The following ACSL4 variants were observed in gnomAD, a reference collection of about 807,000 sequenced individuals.
The protein encoded by ACSL4 is long-chain-fatty-acid--CoA ligase 4.
Under a neutral mutation model 49.1 loss-of-function variants are expected in ACSL4, and 9 were observed. That is an observed-to-expected ratio of 0.18 (90% CI 0.11 to 0.32). The LOEUF (loss-of-function observed/expected upper bound fraction) is 0.32. Ranked by LOEUF, ACSL4 falls within the 10% of genes least tolerant of loss-of-function variation. The pLI, the probability that ACSL4 is intolerant of heterozygous loss-of-function variation, is 1.00. For synonymous variants in ACSL4, 191 were observed against 170.3 expected (o/e 1.12, Z -0.95); for missense variants, 333 against 493.7 (o/e 0.67, Z 3.08).
At chrX:109,647,047 G>A (rs1055577475) in intron 15 of ACSL4, among the ~76,000 whole-genome samples, 1 of 111,187 alleles carries the variant, frequency 9.0e-6, no homozygotes, top group Non-Finnish European at 1.9e-5. Context: ...CCTAAAAAGA[G>A]ACTTAGACTC....
intron 2 of ACSL4, among the ~76,000 whole-genome samples, chrX:109,691,656 C>T (rs1251138881): frequency 9.0e-6 from 1 of 111,538 alleles, no homozygotes; most frequent in South Asian, 3.7e-4. Flanking sequence ...TAGAGAATGC[C>T]AATACATTAA....
chrX:109,676,469 G>A (rs1421533843), intron 8 of ACSL4, among the ~76,000 whole-genome samples: 2 of 111,495 alleles, frequency 1.8e-5, no homozygotes, highest in African/African-American at 3.3e-5. Context: ...TGCCTGGTGG[G>A]GGGCGGTCTG....
intron 15 of ACSL4, among the ~76,000 whole-genome samples, chrX:109,652,413 G>A (rs1034034902): frequency 2.7e-5 from 3 of 111,188 alleles, no homozygotes; most frequent in African/African-American, 9.8e-5. Context: ...TGGGTCCTAG[G>A]ATTTTATTCT....
In ACSL4 at chrX:109,668,204, C is replaced by T. The variant is rs370509273; in HGVS notation, c.1212G>A (p.Pro404=). ...NVRMMLSGGA[P]LSPQTHRFMN... ...TGAATCGGTGTGTCTGAGGAGATAG[C>T]GGGGCCCCTCCAGACAGCATCATGC... The change falls in exon 11 of 16, where the codon CCG becomes CCA. Residue 404 remains proline (P), a synonymous_variant. Coordinates refer to ENST00000672401, the MANE Select transcript of ACSL4 (RefSeq NM_001318510.2). The T allele has an allele frequency of 5.3e-5, 64 of 1,208,113 alleles. No homozygotes were observed. The highest frequency in any genetic ancestry group is 4.6e-4 in the Middle Eastern group (2 of 4,362).
intron 15 of ACSL4, among the ~76,000 whole-genome samples, chrX:109,645,240 CA>C (rs1934617643): frequency 8.8e-6 from 1 of 113,062 alleles, no homozygotes; most frequent in African/African-American, 3.2e-5. Flanking sequence ...AACAAAAAGA[CA>C]GCAGTAACCT....
At chrX:109,647,446 A>G (rs1458242083) in intron 15 of ACSL4, among the ~76,000 whole-genome samples, 7 of 111,943 alleles carry the variant, frequency 6.3e-5, no homozygotes, top group African/African-American at 1.6e-4. Context: ...CGAAATGAAG[A>G]CAGAAATAAA....
At position 109,725,832 on chromosome X, in the gene ACSL4, C is replaced by T. The variant is rs760280064; in HGVS notation, c.-66+7307G>A. ...TATAGTCATCTTACCCACATTTAAG[C>T]GGACAGTATTTTTTTTTGCAACTTG... On this transcript the variant is annotated intron_variant, in intron 1 of 15. Transcript: ENST00000672401. 1.5e-4 allele frequency among the ~76,000 whole-genome samples: 17 copies of T among 111,457 alleles called. 3 individuals carry two copies. Among genetic ancestry groups the T allele is most frequent in the South Asian group, 1.5e-3 (4 of 2,663 alleles).
intron 2 of ACSL4, 128 bp from the exon 3 acceptor site, chrX:109,683,503 A>C (rs1172865967): frequency 1.7e-6 from 2 of 1,154,783 alleles, no homozygotes; most frequent in African/African-American, 3.6e-5. Flanking sequence ...AAGGCTTCTA[A>C]AATGGTGCTT....
chrX:109,716,939 T>C (rs1017119535), intron 1 of ACSL4, among the ~76,000 whole-genome samples: 1 of 112,563 alleles, frequency 8.9e-6, no homozygotes, highest in Non-Finnish European at 1.9e-5. Flanking sequence ...TGCAATGTAA[T>C]GTACCTTTAA....
intron 8 of ACSL4, among the ~76,000 whole-genome samples, chrX:109,677,502 G>A (rs1310675558): frequency 1.8e-5 from 2 of 110,879 alleles, no homozygotes; most frequent in African/African-American, 6.5e-5. Flanking sequence ...TTTAAGGCTG[G>A]GCACAGTGGC....
At chrX:109,690,390 T>C (rs1924949755) in intron 2 of ACSL4, among the ~76,000 whole-genome samples, 1 of 112,135 alleles carries the variant, frequency 8.9e-6, no homozygotes, top group Non-Finnish European at 1.9e-5. Context: ...ATTGCTCCTG[T>C]TGAACTTTAC....
chrX:109,673,731 T>A (rs954099977), intron 9 of ACSL4, among the ~76,000 whole-genome samples: 3 of 112,033 alleles, frequency 2.7e-5, no homozygotes, highest in African/African-American at 9.7e-5. Context: ...AGATTTCAAG[T>A]CTGATCATAA....
At chrX:109,663,146 A>G in intron 13 of ACSL4, 65 bp downstream of exon 13, 2 of 984,465 alleles carry the variant, frequency 2.0e-6, no homozygotes, top group African/African-American at 3.8e-5. Context: ...ACTGATCAAT[A>G]TTACCTTTCA....
intron 9 of ACSL4, among the ~76,000 whole-genome samples, chrX:109,673,597 G>T (rs1342998746): frequency 1.8e-5 from 2 of 112,123 alleles, no homozygotes; most frequent in Non-Finnish European, 3.8e-5. Context: ...TTTGCAATTA[G>T]AAGCTAAAAG....
chrX:109,676,380 A>G (rs1236117985), intron 8 of ACSL4, among the ~76,000 whole-genome samples: 1 of 111,835 alleles, frequency 8.9e-6, no homozygotes, highest in Admixed American at 9.5e-5. Flanking sequence ...ATAAAGTATT[A>G]CAATTTCTAA....
intron 15 of ACSL4, among the ~76,000 whole-genome samples, chrX:109,648,366 T>C (rs1484677616): frequency 8.9e-6 from 1 of 111,829 alleles, no homozygotes; most frequent in Admixed American, 9.5e-5. Context: ...AAGGCTGGTT[T>C]AATATACGCA....
chrX:109,676,698 T>C (rs963746487), intron 8 of ACSL4, among the ~76,000 whole-genome samples: 1 of 111,345 alleles, frequency 9.0e-6, no homozygotes, highest in Non-Finnish European at 1.9e-5. Flanking sequence ...GTGTGTAATT[T>C]CAAATGGGTA....
chrX:109,682,730 T>C lies in ACSL4; in HGVS notation c.395A>G (p.Tyr132Cys), dbSNP rs753396090. Residue 132 changes from tyrosine (Y) to cysteine (C), a missense_variant, in exon 4 of 16, where the codon TAC (tyrosine) becomes TGC (cysteine). Coordinates refer to ENST00000672401, the MANE Select transcript of ACSL4 (RefSeq NM_001318510.2). ...WMIAAQTCFKYNFPLVTLYAT... is the reference protein window; with the variant it reads ...WMIAAQTCFKCNFPLVTLYAT... ...CACAAGGCACTTACGAGGAAAGTTGTACTTAAAGCAGGTCTGTGCTGCAAT... is the reference window on the plus strand; with the variant it reads ...CACAAGGCACTTACGAGGAAAGTTGCACTTAAAGCAGGTCTGTGCTGCAAT... The C allele has an allele frequency of 8.3e-6, 10 of 1,211,759 alleles. No individual in the cohort carries two copies. The highest frequency in any genetic ancestry group is 1.0e-5 in the Non-Finnish European group (9 of 895,434).
rs781561319 is a variant in ACSL4, at chrX:109,682,937, C to T, written c.229-41G>A. ...ATTCTCTAATATTAGTATATTCAAACAAGCAATTAAAATACTATCCAAAGC... is the reference window on the plus strand; with the variant it reads ...ATTCTCTAATATTAGTATATTCAAATAAGCAATTAAAATACTATCCAAAGC... On this transcript the variant is annotated intron_variant, in intron 3 of 15. Transcript: ENST00000672401. 1.1e-5 allele frequency: 13 copies of T among 1,159,381 alleles called. No homozygotes were observed. The East Asian group carries it at 1.8e-4, about 16-fold the overall frequency.
Sources: gnomAD v4.1 joint callset for allele counts (sites outside exome capture counted in the v4.1 genomes callset) on GRCh38, gnomAD v4.1.1 for gene constraint, MANE v1.5 for transcripts, NCBI Gene and HGNC (gene_info 2026-07-23, HGNC 2026-07-21) for gene names.